The following ROBO2 variants were observed in gnomAD, a reference collection of about 807,000 sequenced individuals.
The protein encoded by ROBO2 is roundabout guidance receptor 2.
ROBO2 carries 53 observed loss-of-function variants against 160.8 expected under a neutral mutation model. The ratio of observed to expected loss-of-function variants is 0.33; its 90% CI spans 0.26 to 0.41. The LOEUF (loss-of-function observed/expected upper bound fraction) is 0.41. Among genes scored for constraint, ROBO2 ranks in the 10% least tolerant of loss-of-function variants. The pLI, the probability that ROBO2 is intolerant of heterozygous loss-of-function variation, is 1.00. For missense variants in ROBO2, 1,577 were observed against 1,722.4 expected (o/e 0.92, Z 1.49); for synonymous variants, 664 against 611.7 (o/e 1.09, Z -1.26).
intron 2 of ROBO2, among the ~76,000 whole-genome samples, chr3:76,762,643 T>C (rs2061370883): frequency 2.6e-5 from 4 of 151,704 alleles, no homozygotes; most frequent in Admixed American, 2.6e-4. Flanking sequence ...AATCAGAATA[T>C]ACACTTCACG....
chr3:76,755,603 T>C (rs1376897120), intron 2 of ROBO2, among the ~76,000 whole-genome samples: 1 of 151,914 alleles, frequency 6.6e-6, no homozygotes, highest in Non-Finnish European at 1.5e-5. Flanking sequence ...CCAAAGATTT[T>C]TGTTCTCATG....
At chr3:76,444,576 A>G (rs2077078626) in intron 2 of ROBO2, among the ~76,000 whole-genome samples, 1 of 152,156 alleles carries the variant, frequency 6.6e-6, no homozygotes, top group South Asian at 2.1e-4. Flanking sequence ...TCAAGGGGAA[A>G]GAGCCCCTTA....
chr3:77,108,424 C>G (rs377025865), intron 2 of ROBO2, among the ~76,000 whole-genome samples: 9 of 152,048 alleles, frequency 5.9e-5, no homozygotes, highest in Non-Finnish European at 1.0e-4. Context: ...GTGACCCCCC[C>G]CTACCTTGGC....
At chr3:77,004,343 T>C (rs1363256024) in intron 2 of ROBO2, among the ~76,000 whole-genome samples, 2 of 152,112 alleles carry the variant, frequency 1.3e-5, no homozygotes, top group Non-Finnish European at 2.9e-5. Flanking sequence ...ATAAAGAAAA[T>C]CCATAGGCAA....
At chr3:77,069,517 T>C (rs891394204) in intron 1 of ROBO2, among the ~76,000 whole-genome samples, 6 of 152,216 alleles carry the variant, frequency 3.9e-5, no homozygotes, top group Admixed American at 3.3e-4. Context: ...AATAAAATTA[T>C]ACTTTGATGG....
At chr3:75,969,015 G>A (rs977643625) in intron 2 of ROBO2, among the ~76,000 whole-genome samples, 13 of 151,028 alleles carry the variant, frequency 8.6e-5, no homozygotes, top group African/African-American at 2.7e-4. Context: ...ACATACAAGC[G>A]AGATCATGAA....
intron 2 of ROBO2, among the ~76,000 whole-genome samples, chr3:76,517,716 C>T (rs1287243933): frequency 6.6e-6 from 1 of 152,018 alleles, no homozygotes; most frequent in Middle Eastern, 3.2e-3. Context: ...AAGTAACTTG[C>T]TACAGTTAAA....
intron 6 of ROBO2, among the ~76,000 whole-genome samples, chr3:77,523,737 C>T (rs1025937538): frequency 6.6e-6 from 1 of 151,330 alleles, no homozygotes; most frequent in Non-Finnish European, 1.5e-5. Context: ...CATCTACACT[C>T]CTAGAAAATC....
At chr3:77,049,588 G>A (rs181268600) in intron 1 of ROBO2, among the ~76,000 whole-genome samples, 4 of 152,186 alleles carry the variant, frequency 2.6e-5, no homozygotes, top group African/African-American at 9.6e-5. Context: ...TTAATACTAA[G>A]GAGACAATAG....
At chr3:76,026,726 T>A (rs1212152232) in intron 2 of ROBO2, among the ~76,000 whole-genome samples, 3 of 151,972 alleles carry the variant, frequency 2.0e-5, no homozygotes, top group African/African-American at 7.2e-5. Context: ...TTAACTTATT[T>A]TATTTCAGGT....
At chr3:76,700,617 G>A (rs2093027617) in intron 2 of ROBO2, among the ~76,000 whole-genome samples, 4 of 151,942 alleles carry the variant, frequency 2.6e-5, no homozygotes, top group Admixed American at 1.3e-4. Context: ...TCTCATCTTA[G>A]CCTAATATCC....
rs981245616 is a variant in ROBO2 at position 77,398,592 on chromosome 3, A to AT, written c.389-78814dup. Among the ~76,000 whole-genome samples, 6 of 150,734 alleles carry AT rather than the reference A, an allele frequency of 4.0e-5. No homozygotes were observed. The East Asian group carries it at 5.8e-4, about 15-fold the overall frequency. ...CTCTTTTTTCTTTGTATTTTAATTT[A>AT]TTTTTTTTAGAGACAGTCTCACTCT... On this transcript the variant is annotated intron_variant, in intron 2 of 25. Transcript: ENST00000461745.
intron 5 of ROBO2, among the ~76,000 whole-genome samples, chr3:77,500,978 T>TTG (rs920763331): frequency 6.6e-6 from 1 of 152,206 alleles, no homozygotes; most frequent in South Asian, 2.1e-4. Context: ...CTGACAGCTC[T>TTG]TGTGTGTGTG....
intron 2 of ROBO2, among the ~76,000 whole-genome samples, chr3:76,429,674 C>T (rs531821849): frequency 3.9e-5 from 6 of 152,162 alleles, no homozygotes; most frequent in Non-Finnish European, 8.8e-5. Flanking sequence ...CTTAGTAGAA[C>T]TGAGTGTATC....
chr3:77,106,734 AT>A (rs1215595692), intron 2 of ROBO2, among the ~76,000 whole-genome samples: 1 of 152,230 alleles, frequency 6.6e-6, no homozygotes, highest in East Asian at 1.9e-4. Flanking sequence ...ACTATATACC[AT>A]TAGAATTGAT....
At chr3:76,493,169 A>G (rs1002297570) in intron 2 of ROBO2, among the ~76,000 whole-genome samples, 5 of 151,698 alleles carry the variant, frequency 3.3e-5, no homozygotes, top group African/African-American at 1.2e-4. Flanking sequence ...GCTGTCAACC[A>G]TCGCACTTTC....
At chr3:77,643,345 C>G (rs2095374432) in intron 24 of ROBO2, among the ~76,000 whole-genome samples, 1 of 152,192 alleles carries the variant, frequency 6.6e-6, no homozygotes, top group Admixed American at 6.5e-5. Flanking sequence ...GAACTCACAT[C>G]AAATATGTGA....
chr3:76,377,892 G>T (rs1204903344), intron 2 of ROBO2, among the ~76,000 whole-genome samples: 2 of 152,102 alleles, frequency 1.3e-5, no homozygotes, highest in Non-Finnish European at 2.9e-5. Context: ...ATCAGTATCG[G>T]TTTTCTAGGA....
chr3:77,471,554 T>A (rs987267260), intron 2 of ROBO2, among the ~76,000 whole-genome samples: 16 of 152,200 alleles, frequency 1.1e-4, no homozygotes, highest in African/African-American at 3.9e-4. Context: ...GCACCGTGCA[T>A]GATCAGAGAA....
Sources: allele counts gnomAD v4.1 joint callset (sites outside exome capture counted in the v4.1 genomes callset), GRCh38; gene constraint gnomAD v4.1.1; transcripts MANE v1.5; gene names NCBI Gene and HGNC (gene_info 2026-07-23, HGNC 2026-07-21).